The following FREM2 variants were observed in gnomAD, a reference collection of about 807,000 sequenced individuals.
FREM2 encodes FRAS1 related extracellular matrix 2, also known as FRAS1-related extracellular matrix protein 2.
In FREM2, 119 loss-of-function variants were observed where a neutral mutation model predicts 219.9. The ratio of observed to expected loss-of-function variants is 0.54; its 90% confidence interval spans 0.47 to 0.63. FREM2 has a LOEUF of 0.63. Among genes scored for constraint, FREM2 ranks in the 30% least tolerant of loss-of-function variants. The pLI is 0.00. For synonymous variants in FREM2, 1,562 were observed against 1,522.8 expected, an observed-to-expected ratio of 1.03 and a Z score of -0.60; for missense variants, 4,030 against 3,993.6, an observed-to-expected ratio of 1.01 and a Z score of -0.25.
chr13:38,712,126 C>G (rs1234035823), intron 2 of FREM2, among the ~76,000 whole-genome samples: 1 of 151,546 alleles, frequency 6.6e-6, no homozygotes, highest in Non-Finnish European at 1.5e-5. Flanking sequence ...TCACCATGTT[C>G]CTCGTGATCC....
intron 2 of FREM2, among the ~76,000 whole-genome samples, chr13:38,749,310 G>A (rs1427587305): frequency 6.6e-6 from 1 of 152,110 alleles, no homozygotes; most frequent in Non-Finnish European, 1.5e-5. Context: ...TGCAACAAGA[G>A]AATAAACACT....
intron 6 of FREM2, among the ~76,000 whole-genome samples, chr13:38,788,326 A>G (rs1367536370): frequency 6.6e-6 from 1 of 152,156 alleles, no homozygotes. Context: ...GCAGTTATCC[A>G]GTTTAGTATT....
chr13:38,687,099 C>T lies in FREM2; in HGVS notation c.-246C>T. 2 of 589,552 alleles carry T rather than the reference C, an allele frequency of 3.4e-6. No homozygotes were observed. The highest frequency in any genetic ancestry group is 4.5e-4 in the Middle Eastern group (1 of 2,212). The allele number at this position is 589,552 out of a possible 1,614,324, so 36.5% of individuals were successfully genotyped here. The stretch of plus-strand genomic sequence containing the variant: ...AGTAGAAGTGGAGGGATTCAATTCT[C>T]CGCGCGATTGAGGCGCTAGCGGCGG... On this transcript the variant is annotated 5_prime_UTR_variant, in exon 1 of 24. Transcript: ENST00000280481.
At chr13:38,810,154 A>G (rs2137862098) in intron 6 of FREM2, among the ~76,000 whole-genome samples, 1 of 152,004 alleles carries the variant, frequency 6.6e-6, no homozygotes, top group South Asian at 2.1e-4. Context: ...AATGCTATTG[A>G]TTTTTATGTT....
intron 6 of FREM2, among the ~76,000 whole-genome samples, chr13:38,799,676 A>G (rs1040732261): frequency 3.0e-4 from 46 of 151,782 alleles, no homozygotes; most frequent in African/African-American, 1.1e-3. Context: ...TTGGATTGTT[A>G]TATTCTCTTG....
At chr13:38,738,804 A>G (rs1245851866) in intron 2 of FREM2, among the ~76,000 whole-genome samples, 1 of 152,128 alleles carries the variant, frequency 6.6e-6, no homozygotes, top group African/African-American at 2.4e-5. Flanking sequence ...CTTGAGAAAG[A>G]GAAGCCCATG....
chr13:38,734,986 T>C (rs1049567596), intron 2 of FREM2, among the ~76,000 whole-genome samples: 2 of 152,182 alleles, frequency 1.3e-5, no homozygotes, highest in Admixed American at 1.3e-4. Context: ...GACCTTGTGA[T>C]CCACCCGCCT....
rs376624387 is a variant in FREM2, at chr13:38,689,179, T to G, written c.1835T>G (p.Leu612Arg). Residue 612 changes from leucine to arginine, a missense_variant, in exon 1 of 24, where the codon CTC becomes CGC. Leu to Arg is a moderately radical substitution (Grantham distance 102). Around this residue, in one of 2 missense-constraint regions of FREM2, gnomAD observed 3,102 missense variants for 2,950.7 expected, o/e 1.05. Coordinates refer to ENST00000280481, the MANE Select transcript of FREM2 (RefSeq NM_207361.6). ...SPFLTTGHLL[L>R]RQTHPPHEKQ... ...TTCTTAACTACGGGGCATCTGCTTC[T>G]CCGCCAAACTCACCCTCCCCATGAG... 30 of 1,613,970 alleles carry G rather than the reference T, an allele frequency of 1.9e-5. No individual in the cohort carries two copies. The highest frequency in any genetic ancestry group is 3.3e-4 in the Middle Eastern group (2 of 6,084).
At chr13:38,842,128 A>G (rs913775848) in intron 6 of FREM2, among the ~76,000 whole-genome samples, 2 of 152,194 alleles carry the variant, frequency 1.3e-5, no homozygotes, top group Admixed American at 1.3e-4. Context: ...TAAGACATTC[A>G]AGATACTGGA....
chr13:38,753,995 T>TTTA, intron 2 of FREM2, among the ~76,000 whole-genome samples: 1 of 152,018 alleles, frequency 6.6e-6, no homozygotes, highest in African/African-American at 2.4e-5. Flanking sequence ...TTTATTTTAT[T>TTTA]TTTGAATGGA....
chr13:38,851,710 C>G lies in FREM2; in HGVS notation c.6767C>G (p.Thr2256Ser), dbSNP rs145823544. 4 of 1,612,888 alleles carry G rather than the reference C, an allele frequency of 2.5e-6. No individual in the cohort carries two copies. Among genetic ancestry groups the G allele is most frequent in the Non-Finnish European group, 3.4e-6 (4 of 1,179,008 alleles). ...GAGACTGTTATTAAATTTGGAGAAA[C>G]CAAATTTAGTGTCACTGAACCCAAA... ...ADKTVIKFGE[T>S]KFSVTEPKEP... The change falls in exon 11 of 24, where the codon ACC (threonine) becomes AGC (serine). Residue 2256 changes from threonine (T) to serine (S), a missense_variant. Around this residue, in one of 2 missense-constraint regions of FREM2, gnomAD observed 3,102 missense variants for 2,950.7 expected, o/e 1.05. Transcript: ENST00000280481.
chr13:38,802,418 C>T (rs763081140), intron 6 of FREM2, among the ~76,000 whole-genome samples: 3 of 152,162 alleles, frequency 2.0e-5, no homozygotes, highest in Non-Finnish European at 2.9e-5. Flanking sequence ...CAGGGCATAA[C>T]GCAGGCCTTT....
intron 6 of FREM2, among the ~76,000 whole-genome samples, chr13:38,832,922 C>G (rs1227477459): frequency 6.6e-6 from 1 of 151,954 alleles, no homozygotes; most frequent in Non-Finnish European, 1.5e-5. Context: ...GCTTGTAGTC[C>G]CAGCTACTCA....
chr13:38,805,416 A>G (rs1042311330), intron 6 of FREM2, among the ~76,000 whole-genome samples: 10 of 151,996 alleles, frequency 6.6e-5, no homozygotes, highest in African/African-American at 2.4e-4. Flanking sequence ...AGGTTAGGAG[A>G]AGGAATTAGT....
intron 16 of FREM2, among the ~76,000 whole-genome samples, chr13:38,865,528 C>T (rs9576630): frequency 0.25 from 38,511 of 152,048 alleles, 6,085 homozygotes; most frequent in African/African-American, 0.44. Flanking sequence ...TTAGGCTGCC[C>T]TTTTTTGTGC....
At chr13:38,878,571 T>C (rs1309098751) in intron 22 of FREM2, among the ~76,000 whole-genome samples, 1 of 151,472 alleles carries the variant, frequency 6.6e-6, no homozygotes, top group Non-Finnish European at 1.5e-5. Context: ...TCCCAGCTAC[T>C]TGGGAGGCTG....
Position 38,874,507 on chromosome 13 carries a change from C to T in FREM2, c.8202C>T (p.Arg2734=). ...LQGSLYPTSM[R]IGDEGRLAVH... is the part of the protein sequence containing the mutation. ...GTTCTCTCTATCCAACCAGCATGCG[C>T]ATCGGTGATGAGGGGCGCTTGGCCG... The change falls in exon 18 of 24, where the codon CGC becomes CGT. Residue 2734 remains arginine (R), a synonymous_variant. Transcript: ENST00000280481. 1.9e-6 allele frequency: 3 copies of T among 1,614,058 alleles called. No homozygotes were observed. Among genetic ancestry groups the T allele is most frequent in the Non-Finnish European group, 2.5e-6 (3 of 1,179,928 alleles).
At chr13:38,790,111 A>AATTAGGACTCCAAATCTGTGT in intron 6 of FREM2, among the ~76,000 whole-genome samples, 1 of 152,292 alleles carries the variant, frequency 6.6e-6, no homozygotes, top group South Asian at 2.1e-4. Context: ...AAATAATGTG[A>AATTAGGACTCCAAATCTGTGT]ATTAGGACTC....
chr13:38,864,398 A>G lies in FREM2; in HGVS notation c.7775A>G (p.His2592Arg), dbSNP rs1311114153. 3.7e-6 allele frequency: 6 copies of G among 1,614,052 alleles called. No homozygotes were observed. Among genetic ancestry groups the G allele is most frequent in the Middle Eastern group, 1.6e-4 (1 of 6,062 alleles). ...CTGGATTATACTGAAGTGAAGACTC[A>G]TTATGGTTTCTTGACTGATGCTACC... ...NLLDYTEVKT[H>R]YGFLTDATKN... Residue 2592 changes from histidine (H) to arginine (R), a missense_variant, in exon 16 of 24, where the codon CAT becomes CGT. Transcript: ENST00000280481.
Sources: gnomAD v4.1 joint callset for allele counts (sites outside exome capture counted in the v4.1 genomes callset) on GRCh38, gnomAD v4.1.1 for gene constraint, gnomAD v4.1.1 regional missense constraint, MANE v1.5 for transcripts, NCBI Gene and HGNC (gene_info 2026-07-23, HGNC 2026-07-21) for gene names.